Variants in SEMA3E observed in about 807,000 individuals in gnomAD.
The protein encoded by SEMA3E is semaphorin 3E.
A neutral mutation model predicts 93.6 loss-of-function variants in SEMA3E; 49 were observed. The observed-to-expected ratio is 0.52, with a 90% CI of 0.42 to 0.66. SEMA3E has a LOEUF of 0.66. Ranked by LOEUF, SEMA3E falls within the 30% of genes least tolerant of loss-of-function variation. The probability of loss-of-function intolerance (pLI) is 0.00; values close to 1 mark genes in which losing one functional copy is unlikely to be tolerated. For missense variants in SEMA3E, 906 were observed against 964.8 expected (o/e 0.94, Z 0.81); for synonymous variants, 363 against 330.7 (o/e 1.10, Z -1.06).
At chr7:83,368,193 AT>A (rs1794701434) in intron 16 of SEMA3E, among the ~76,000 whole-genome samples, 155 bp from the exon 17 acceptor site, 3 of 147,692 alleles carry the variant, frequency 2.0e-5, no homozygotes, top group African/African-American at 7.5e-5. Flanking sequence ...AAATAATTAC[AT>A]CTCTCTCTCT....
In SEMA3E at chr7:83,450,415, AT is replaced by A. The variant is rs562461054; in HGVS notation, c.456+16066del. 4.5e-3 allele frequency among the ~76,000 whole-genome samples: 467 copies of A among 104,894 alleles called. 1 individual carries two copies. Among genetic ancestry groups the A allele is most frequent in the African/African-American group, 0.011 (432 of 38,436 alleles). 68.8% of individuals were successfully genotyped at this position (104,894 alleles called of 152,430 possible). On this transcript the variant is annotated intron_variant, in intron 4 of 16. Coordinates refer to ENST00000643230, the MANE Select transcript of SEMA3E (RefSeq NM_012431.3). ...AATTGTGTTATATCCATGTAAATAA[AT>A]TACAGTAATGAAAACACATGAACGA...
chr7:83,396,532 C>A, intron 12 of SEMA3E, 106 bp downstream of exon 12: 1 of 694,282 alleles, frequency 1.4e-6, no homozygotes, highest in Non-Finnish European at 2.6e-6. Flanking sequence ...TCTGAATCCA[C>A]AACATACCTG....
Position 83,535,574 on chromosome 7 carries a change from A to G in SEMA3E, c.116-45300T>C, listed in dbSNP as rs115086695. 2.5e-3 allele frequency among the ~76,000 whole-genome samples: 379 copies of G among 152,196 alleles called. 1 individual carries two copies. Among genetic ancestry groups the G allele is most frequent in the African/African-American group, 8.6e-3 (359 of 41,558 alleles). ...AAAGACAGCATTAAAGAACCTATCA[A>G]TGACCCTGAGAATCATTACTAAAGT... On this transcript the variant is annotated intron_variant, in intron 1 of 16. Coordinates refer to ENST00000643230, the MANE Select transcript of SEMA3E (RefSeq NM_012431.3).
At chr7:83,508,263 CTTTTTT>C (rs1030827840) in intron 1 of SEMA3E, among the ~76,000 whole-genome samples, 1 of 138,714 alleles carries the variant, frequency 7.2e-6, no homozygotes, top group Non-Finnish European at 1.6e-5. Flanking sequence ...TTTTCTTTTT[CTTTTTT>C]TTTTTTTTTG....
At chr7:83,575,911 G>A (rs215291) in intron 1 of SEMA3E, among the ~76,000 whole-genome samples, 64,836 of 151,844 alleles carry the variant, frequency 0.43, 14,906 homozygotes, top group African/African-American at 0.61. Context: ...TTAAAACACA[G>A]TAAAGGTTTG....
chr7:83,489,823 G>T (rs1790342866), intron 2 of SEMA3E, among the ~76,000 whole-genome samples: 1 of 152,062 alleles, frequency 6.6e-6, no homozygotes, highest in African/African-American at 2.4e-5. Context: ...TCCAAACCTA[G>T]GTCTCAGGAC....
At chr7:83,463,696 A>G (rs914995790) in intron 4 of SEMA3E, among the ~76,000 whole-genome samples, 2 of 152,112 alleles carry the variant, frequency 1.3e-5, no homozygotes, top group African/African-American at 2.4e-5. Flanking sequence ...AAGGCAGGTT[A>G]TACTATAGTA....
At position 83,648,428 on chromosome 7, in the gene SEMA3E, CT is replaced by C; in HGVS notation, c.114del (p.Glu39SerfsTer3). ...AAAAGGATCTGGAAAGGTAACCTACCTTTATGTGACAGGCGTAACCGGGGGT... is the reference window on the plus strand; with the variant it reads ...AAAAGGATCTGGAAAGGTAACCTACCTTATGTGACAGGCGTAACCGGGGGT... ...TTHPRLRLSH[K>X]ELLNLNRTSI... On this transcript the variant is annotated frameshift_variant and splice_region_variant, in exon 1 of 17. Coordinates refer to ENST00000643230, the MANE Select transcript of SEMA3E (RefSeq NM_012431.3). LOFTEE classifies it high-confidence loss of function. 1 of 1,582,870 alleles carries C rather than the reference CT, an allele frequency of 6.3e-7. No homozygotes were observed. The highest frequency in any genetic ancestry group is 8.6e-7 in the Non-Finnish European group (1 of 1,156,196).
chr7:83,640,186 G>T (rs181879396), intron 1 of SEMA3E, among the ~76,000 whole-genome samples: 28 of 152,194 alleles, frequency 1.8e-4, no homozygotes, highest in African/African-American at 5.5e-4. Context: ...CGGTTCTGAA[G>T]TTGATCTGGC....
At chr7:83,428,538 T>C (rs1788817351) in intron 4 of SEMA3E, among the ~76,000 whole-genome samples, 1 of 152,194 alleles carries the variant, frequency 6.6e-6, no homozygotes, top group Admixed American at 6.5e-5. Flanking sequence ...CATGATAATG[T>C]GTATAACAAA....
intron 1 of SEMA3E, among the ~76,000 whole-genome samples, chr7:83,491,621 GAAT>G (rs1312364004): frequency 6.6e-6 from 1 of 151,860 alleles, no homozygotes; most frequent in Non-Finnish European, 1.5e-5. Context: ...GGGAAAAAAG[GAAT>G]AATAGGTATA....
chr7:83,580,984 TA>T (rs1792507954), intron 1 of SEMA3E, among the ~76,000 whole-genome samples: 1 of 151,946 alleles, frequency 6.6e-6, no homozygotes, highest in Non-Finnish European at 1.5e-5. Flanking sequence ...ACTAGGACTT[TA>T]AAAACAAGGG....
intron 4 of SEMA3E, among the ~76,000 whole-genome samples, chr7:83,429,968 A>G (rs73391484): frequency 0.028 from 4,309 of 152,252 alleles, 230 homozygotes; most frequent in African/African-American, 0.098. Context: ...ATGATGCTGT[A>G]TATCTCTTGT....
At chr7:83,503,241 A>G (rs554287540) in intron 1 of SEMA3E, among the ~76,000 whole-genome samples, 6 of 152,240 alleles carry the variant, frequency 3.9e-5, no homozygotes, top group African/African-American at 1.4e-4. Context: ...TTTTCTACCA[A>G]TAGTAATTTG....
intron 4 of SEMA3E, among the ~76,000 whole-genome samples, chr7:83,428,323 T>C (rs997431533): frequency 5.9e-5 from 9 of 152,246 alleles, no homozygotes; most frequent in Non-Finnish European, 8.8e-5. Context: ...AGAAGTCAAC[T>C]AGAATATTAT....
intron 4 of SEMA3E, among the ~76,000 whole-genome samples, chr7:83,430,186 C>T (rs924144623): frequency 4.0e-5 from 6 of 151,890 alleles, no homozygotes; most frequent in African/African-American, 1.5e-4. Context: ...CAAAATGGGC[C>T]GGGTACGGTG....
intron 1 of SEMA3E, among the ~76,000 whole-genome samples, chr7:83,528,495 C>A (rs961428469): frequency 5.3e-5 from 8 of 152,050 alleles, no homozygotes; most frequent in African/African-American, 1.9e-4. Flanking sequence ...TTAACAAGAG[C>A]ACGAAGCTTG....
intron 1 of SEMA3E, among the ~76,000 whole-genome samples, chr7:83,502,513 C>T (rs1034915617): frequency 1.3e-5 from 2 of 152,060 alleles, no homozygotes; most frequent in African/African-American, 2.4e-5. Flanking sequence ...CTTCTGACCT[C>T]CATGCTGTTG....
In SEMA3E at chr7:83,412,261, T is replaced by C. The variant is rs193096875; in HGVS notation, c.551-3774A>G. 2.7e-3 allele frequency among the ~76,000 whole-genome samples: 409 copies of C among 152,296 alleles called. 1 individual carries two copies. The highest frequency in any genetic ancestry group is 9.1e-3 in the African/African-American group (377 of 41,578). On this transcript the variant is annotated intron_variant, in intron 5 of 16. Transcript: ENST00000643230. Reference sequence around the variant, plus strand: ...CCACTGTAGCTCTGGTACCTATTTCTATCCTACTGCTCATCCAACTATATT... The same window carrying C: ...CCACTGTAGCTCTGGTACCTATTTCCATCCTACTGCTCATCCAACTATATT...
Sources: allele counts gnomAD v4.1 joint callset (sites outside exome capture counted in the v4.1 genomes callset), GRCh38; gene constraint gnomAD v4.1.1; transcripts MANE v1.5; gene names NCBI Gene and HGNC (gene_info 2026-07-23, HGNC 2026-07-21).